Variants in DNER observed in about 807,000 individuals in gnomAD.
The protein encoded by DNER is delta/notch like EGF repeat containing.
Under a neutral mutation model 78.2 loss-of-function variants are expected in DNER, and 33 were observed. The observed-to-expected ratio is 0.42, with a 90% CI of 0.32 to 0.56. DNER has a LOEUF of 0.56. Among genes scored for constraint, DNER ranks in the 20% least tolerant of loss-of-function variants. The probability of loss-of-function intolerance (pLI) is 0.11; values close to 1 mark genes in which losing one functional copy is unlikely to be tolerated. For synonymous variants in DNER, 417 were observed against 384.8 expected (o/e 1.08, Z -0.98); for missense variants, 918 against 975.3 (o/e 0.94, Z 0.78).
At chr2:229,366,748 T>A in intron 12 of DNER, 125 bp downstream of exon 12, 2 of 1,430,744 alleles carry the variant, frequency 1.4e-6, no homozygotes, top group Non-Finnish European at 1.9e-6. Flanking sequence ...AAATACAATG[T>A]GGAACCTATT....
At chr2:229,676,083 T>A (rs1314742742) in intron 1 of DNER, among the ~76,000 whole-genome samples, 1 of 152,176 alleles carries the variant, frequency 6.6e-6, no homozygotes, top group East Asian at 1.9e-4. Flanking sequence ...ACAGGCAGTG[T>A]ACCTAGGGAC....
intron 10 of DNER, 47 bp downstream of exon 10, chr2:229,407,185 G>A (rs776755288): frequency 7.8e-6 from 12 of 1,545,254 alleles, no homozygotes; most frequent in African/African-American, 1.4e-5. Flanking sequence ...CTGCAATCTC[G>A]GGCACTTTGT....
At chr2:229,586,170 GT>G in intron 3 of DNER, 146 bp from the exon 4 acceptor site, 2 of 1,010,226 alleles carry the variant, frequency 2.0e-6, no homozygotes, top group Non-Finnish European at 2.8e-6. Context: ...ATACGCGGGC[GT>G]CCACTGTAAA....
intron 1 of DNER, among the ~76,000 whole-genome samples, chr2:229,664,198 A>C (rs1019504199): frequency 2.0e-4 from 31 of 152,114 alleles, no homozygotes; most frequent in Non-Finnish European, 4.3e-4. Context: ...ATACCAAACT[A>C]AATAGGAATT....
At chr2:229,454,088 A>G (rs1244271337) in intron 7 of DNER, among the ~76,000 whole-genome samples, 1 of 152,272 alleles carries the variant, frequency 6.6e-6, no homozygotes, top group East Asian at 1.9e-4. Flanking sequence ...GGAGCAAAGG[A>G]AGCTAGCACA....
chr2:229,395,387 G>T (rs999315449), intron 10 of DNER, among the ~76,000 whole-genome samples: 4 of 152,188 alleles, frequency 2.6e-5, no homozygotes, highest in Non-Finnish European at 5.9e-5. Flanking sequence ...CACAGAGTGG[G>T]CTGATCAGCG....
Position 229,418,097 on chromosome 2 carries a change from C to G in DNER, c.1609+11G>C. 6.2e-7 allele frequency: 1 copy of G among 1,614,102 alleles called. No individual in the cohort carries two copies. Among genetic ancestry groups the G allele is most frequent in the Non-Finnish European group, 8.5e-7 (1 of 1,179,986 alleles). The stretch of plus-strand genomic sequence containing the variant: ...GCCATTCTGGCACAGGAAGGCCAGG[C>G]GGCCTCTCACCTTTGTATTCTGCCA... On this transcript the variant is annotated intron_variant, in intron 9 of 12. Coordinates refer to ENST00000341772, the MANE Select transcript of DNER (RefSeq NM_139072.4).
chr2:229,482,915 G>T (rs181032295), intron 6 of DNER, among the ~76,000 whole-genome samples: 1 of 152,284 alleles, frequency 6.6e-6, no homozygotes, highest in East Asian at 1.9e-4. Flanking sequence ...ACATGAAAAT[G>T]TCTTAAGAGG....
chr2:229,610,721 C>T lies in DNER; in HGVS notation c.277-18833G>A, dbSNP rs140791682. Among the ~76,000 whole-genome samples the T allele has an allele frequency of 5.9e-5, 9 of 152,314 alleles. No individual in the cohort carries two copies. In the East Asian group the frequency reaches 1.7e-3, roughly 29 times the overall value. On this transcript the variant is annotated intron_variant, in intron 1 of 12. Coordinates refer to ENST00000341772, the MANE Select transcript of DNER (RefSeq NM_139072.4). ...TGTACTGGAAGATCAGTCACCAGGA[C>T]TGGGTTCCAGGCTGCAGTCCTTTCA...
intron 4 of DNER, among the ~76,000 whole-genome samples, chr2:229,570,408 A>G (rs1035845806): frequency 5.9e-5 from 9 of 152,148 alleles, no homozygotes; most frequent in Non-Finnish European, 1.3e-4. Context: ...CAAGGCTGGC[A>G]AATCACCTGA....
Position 229,493,483 on chromosome 2 carries a change from C to T in DNER, c.1148-16230G>A, listed in dbSNP as rs533742042. On this transcript the variant is annotated intron_variant, in intron 6 of 12. Transcript: ENST00000341772. ...TATGTACAAGGCACAGGGCTTGGCA[C>T]TGACATGATGGAAAACTCAAGAGGA... Among the ~76,000 whole-genome samples the T allele has an allele frequency of 8.5e-5, 13 of 152,268 alleles. No homozygotes were observed. In the South Asian group the frequency reaches 2.7e-3, roughly 32 times the overall value.
chr2:229,639,613 A>G (rs556138483), intron 1 of DNER, among the ~76,000 whole-genome samples: 35 of 152,342 alleles, frequency 2.3e-4, no homozygotes, highest in African/African-American at 6.5e-4. Context: ...GACATTCCAC[A>G]AAGAATAAAA....
At position 229,407,270 on chromosome 2, in the gene DNER, C is replaced by G. The variant is rs769857948; in HGVS notation, c.1685G>C (p.Gly562Ala). 11 of 1,613,762 alleles carry G rather than the reference C, an allele frequency of 6.8e-6. No individual in the cohort carries two copies. Among genetic ancestry groups the G allele is most frequent in the Non-Finnish European group, 9.3e-6 (11 of 1,179,682 alleles). Residue 562 changes from glycine to alanine, a missense_variant, in exon 10 of 13, where the codon GGC becomes GCC. Gly to Ala is a moderately conservative substitution (Grantham distance 60). Coordinates refer to ENST00000341772, the MANE Select transcript of DNER (RefSeq NM_139072.4). Reference protein sequence around the residue: ...CLNGATCDSDGLNGTCICAPG... With the variant: ...CLNGATCDSDALNGTCICAPG... Reference sequence around the variant, plus strand: ...TGCACAGATGCACGTGCCATTCAGGCCGTCGCTGTCACAGGTGGCTCCGTT... The same window carrying G: ...TGCACAGATGCACGTGCCATTCAGGGCGTCGCTGTCACAGGTGGCTCCGTT...
Position 229,388,349 on chromosome 2 carries a change from G to A in DNER, c.1771C>T (p.His591Tyr), listed in dbSNP as rs1053792208. The part of the protein sequence containing the change: ...DINECDSNPC[H>Y]HGGSCLDQPN... ...TGGTCCAGGCAGCTCCCACCATGGTGGCAGGGGTTACTGTCACATTCATTT... is the reference window on the plus strand; with the variant it reads ...TGGTCCAGGCAGCTCCCACCATGGTAGCAGGGGTTACTGTCACATTCATTT... The change falls in exon 11 of 13, where the codon CAC becomes TAC. Residue 591 changes from histidine to tyrosine, a missense_variant. By Grantham distance (83) the His-to-Tyr change is moderately conservative. Transcript: ENST00000341772. The A allele has an allele frequency of 6.2e-7, 1 of 1,612,292 alleles. No homozygotes were observed. The highest frequency in any genetic ancestry group is 1.3e-5 in the African/African-American group (1 of 74,744).
At chr2:229,486,050 C>T (rs967236430) in intron 6 of DNER, among the ~76,000 whole-genome samples, 2 of 152,142 alleles carry the variant, frequency 1.3e-5, no homozygotes, top group African/African-American at 4.8e-5. Flanking sequence ...CTGGGGGGAT[C>T]TGAGCAGCTG....
chr2:229,679,343 C>G (rs1468601818), intron 1 of DNER, among the ~76,000 whole-genome samples: 1 of 152,134 alleles, frequency 6.6e-6, no homozygotes, highest in Non-Finnish European at 1.5e-5. Context: ...AGGAGCTCAG[C>G]AAGTAGTTAT....
intron 5 of DNER, among the ~76,000 whole-genome samples, chr2:229,542,189 C>T (rs757566399): frequency 2.6e-5 from 4 of 151,840 alleles, no homozygotes; most frequent in East Asian, 1.9e-4. Flanking sequence ...ACCAATAGGC[C>T]GCAGCTGGTA....
chr2:229,588,876 CAGG>C (rs994809861), intron 2 of DNER, among the ~76,000 whole-genome samples: 1 of 152,168 alleles, frequency 6.6e-6, no homozygotes, highest in Non-Finnish European at 1.5e-5. Flanking sequence ...TTACAAACAG[CAGG>C]TAAAAGCCTA....
At chr2:229,700,852 C>A (rs369515936) in intron 1 of DNER, among the ~76,000 whole-genome samples, 1 of 149,042 alleles carries the variant, frequency 6.7e-6, no homozygotes, top group East Asian at 2.0e-4. Context: ...ACCCAGGAGC[C>A]ACTGCACTCC....
Sources: allele counts gnomAD v4.1 joint callset (sites outside exome capture counted in the v4.1 genomes callset), GRCh38; gene constraint gnomAD v4.1.1; transcripts MANE v1.5; gene names NCBI Gene and HGNC (gene_info 2026-07-23, HGNC 2026-07-21).